Variants in CACNA1D observed in about 807,000 individuals in gnomAD.
CACNA1D encodes the protein voltage-dependent L-type calcium channel subunit alpha-1D.
In CACNA1D, 55 loss-of-function variants were observed where a neutral mutation model predicts 257.1. The ratio of observed to expected loss-of-function variants is 0.21; its 90% CI spans 0.17 to 0.27. The LOEUF (loss-of-function observed/expected upper bound fraction) is 0.27, where lower values mean the gene tolerates loss of function less well. CACNA1D is among the 10% of genes least tolerant of loss of function. The pLI, the probability that CACNA1D is intolerant of heterozygous loss-of-function variation, is 1.00. For missense variants in CACNA1D, 1,876 were observed against 2,784.0 expected, an observed-to-expected ratio of 0.67 and a Z score of 7.34; for synonymous variants, 980 against 1,014.9, an observed-to-expected ratio of 0.97 and a Z score of 0.65.
At chr3:53,508,240 C>T (rs986386238) in intron 3 of CACNA1D, among the ~76,000 whole-genome samples, 1 of 152,106 alleles carries the variant, frequency 6.6e-6, no homozygotes, top group Admixed American at 6.6e-5. Context: ...TTTGCCGCAC[C>T]TATCAACCCA....
intron 3 of CACNA1D, among the ~76,000 whole-genome samples, chr3:53,616,585 T>C (rs2093639593): frequency 6.6e-6 from 1 of 152,194 alleles, no homozygotes; most frequent in Non-Finnish European, 1.5e-5. Flanking sequence ...CCTAATGCTG[T>C]GCTTGCCTGT....
In CACNA1D at chr3:53,718,532, C is replaced by T. The variant is rs1391203983; in HGVS notation, c.1478+144C>T. On this transcript the variant is annotated intron_variant, in intron 10 of 47. Coordinates refer to ENST00000350061, the MANE Select transcript of CACNA1D (RefSeq NM_001128840.3). Reference sequence around the variant, plus strand: ...GGAAGGCTCCTCGTACCCCACGCCACGCTTCCTCCTGTGCCAGGGCTATCC... The same window carrying T: ...GGAAGGCTCCTCGTACCCCACGCCATGCTTCCTCCTGTGCCAGGGCTATCC... The T allele has an allele frequency of 1.2e-4, 125 of 1,027,872 alleles. 1 individual carries two copies. In the East Asian group the frequency reaches 2.8e-3, roughly 23 times the overall value. 63.7% of individuals were successfully genotyped at this position (1,027,872 alleles called of 1,614,324 possible).
At chr3:53,693,706 C>T (rs2094549095) in intron 8 of CACNA1D, among the ~76,000 whole-genome samples, 2 of 151,978 alleles carry the variant, frequency 1.3e-5, no homozygotes, top group South Asian at 4.2e-4. Flanking sequence ...ATAAGTGTTG[C>T]CTTTGTTTTT....
At chr3:53,698,597 T>TA (rs2094593159) in intron 8 of CACNA1D, among the ~76,000 whole-genome samples, 1 of 152,212 alleles carries the variant, frequency 6.6e-6, no homozygotes. Context: ...ACTTAATTTT[T>TA]AAAAATTTAA....
At chr3:53,654,767 A>G (rs1203209590) in intron 4 of CACNA1D, among the ~76,000 whole-genome samples, 2 of 152,198 alleles carry the variant, frequency 1.3e-5, no homozygotes, top group African/African-American at 2.4e-5. Context: ...GGCACTTTAT[A>G]GAAAATGTTT....
chr3:53,586,895 G>A (rs1411863707), intron 3 of CACNA1D, among the ~76,000 whole-genome samples: 5 of 152,136 alleles, frequency 3.3e-5, no homozygotes, highest in African/African-American at 1.2e-4. Context: ...AATAAGAGAC[G>A]CTGGGGGGGT....
intron 3 of CACNA1D, among the ~76,000 whole-genome samples, chr3:53,598,003 A>G (rs535049281): frequency 6.6e-6 from 1 of 152,270 alleles, no homozygotes; most frequent in South Asian, 2.1e-4. Flanking sequence ...TTTGATGTTT[A>G]TCATTTCCTG....
chr3:53,747,015 A>G (rs926204912), intron 25 of CACNA1D, among the ~76,000 whole-genome samples: 4 of 152,050 alleles, frequency 2.6e-5, no homozygotes, highest in African/African-American at 9.7e-5. Flanking sequence ...TGCTCTCACC[A>G]TGCTGTGGTT....
chr3:53,593,921 C>T (rs758713163), intron 3 of CACNA1D, among the ~76,000 whole-genome samples: 2 of 152,132 alleles, frequency 1.3e-5, no homozygotes. Flanking sequence ...CAGTCAGAAA[C>T]GCTGATGTTA....
At chr3:53,615,581 G>A (rs6794085) in intron 3 of CACNA1D, among the ~76,000 whole-genome samples, 39,647 of 152,104 alleles carry the variant, frequency 0.26, 5,775 homozygotes, top group Non-Finnish European at 0.33. Flanking sequence ...CCAAACCAGT[G>A]GGCTTAAAGT....
intron 3 of CACNA1D, among the ~76,000 whole-genome samples, chr3:53,559,172 A>G (rs1048568154): frequency 6.6e-6 from 1 of 152,156 alleles, no homozygotes; most frequent in African/African-American, 2.4e-5. Flanking sequence ...ATCCAGTGAC[A>G]TTTTAAGTTT....
chr3:53,796,835 T>C (rs371511695), intron 40 of CACNA1D, among the ~76,000 whole-genome samples: 1 of 152,342 alleles, frequency 6.6e-6, no homozygotes, highest in South Asian at 2.1e-4. Context: ...TTTTATAAGA[T>C]TGGACATCTT....
At chr3:53,677,170 CCTT>C (rs1321275640) in intron 8 of CACNA1D, among the ~76,000 whole-genome samples, 1 of 152,166 alleles carries the variant, frequency 6.6e-6, no homozygotes, top group Non-Finnish European at 1.5e-5. Context: ...GGCTCTGCCT[CCTT>C]CTCCATTTCA....
intron 9 of CACNA1D, among the ~76,000 whole-genome samples, chr3:53,707,803 A>C (rs1375012294): frequency 6.6e-6 from 1 of 152,216 alleles, no homozygotes; most frequent in African/African-American, 2.4e-5. Context: ...TTAAAAAAAA[A>C]AAGCATTAAA....
Position 53,539,697 on chromosome 3 carries a change from A to G in CACNA1D, c.483+37977A>G, listed in dbSNP as rs115713972. ...TTTCCAATGTGTCATGCCAGCTGAT[A>G]TGCTCACCAACAGCGTGTGAGCATT... On this transcript the variant is annotated intron_variant, in intron 3 of 47. Transcript: ENST00000350061. Among the ~76,000 whole-genome samples the G allele has an allele frequency of 5.3e-3, 801 of 152,320 alleles. 7 individuals are homozygous for G. The highest frequency in any genetic ancestry group is 0.018 in the African/African-American group (761 of 41,564).
rs2094941339 is a variant in CACNA1D, at chr3:53,726,957, A to T, written c.2179A>T (p.Ile727Phe). 1.9e-6 allele frequency: 3 copies of T among 1,614,154 alleles called. No homozygotes were observed. The highest frequency in any genetic ancestry group is 2.5e-6 in the Non-Finnish European group (3 of 1,179,978). Residue 727 changes from isoleucine (I) to phenylalanine (F), a missense_variant, in exon 15 of 48, where the codon ATC becomes TTC. By Grantham distance (21) the Ile-to-Phe change is conservative. Around this residue, in one of 10 missense-constraint regions of CACNA1D, gnomAD observed 257 missense variants for 399.7 expected, o/e 0.64. Coordinates refer to ENST00000350061, the MANE Select transcript of CACNA1D (RefSeq NM_001128840.3). ...AYGGPSSSGM[I>F]VCIYFIILFI... is the part of the protein sequence containing the mutation. ...CGGGGGCCCATCCTCTTCAGGAATG[A>T]TCGTCTGCATCTACTTCATCATCCT...
intron 4 of CACNA1D, among the ~76,000 whole-genome samples, chr3:53,657,083 A>C (rs1161090020): frequency 6.6e-6 from 1 of 152,172 alleles, no homozygotes; most frequent in East Asian, 1.9e-4. Context: ...AAATGAAAAC[A>C]CATGTCCCCA....
chr3:53,804,170 TCTC>T (rs1365349363), intron 44 of CACNA1D, among the ~76,000 whole-genome samples: 2 of 152,176 alleles, frequency 1.3e-5, no homozygotes, highest in African/African-American at 4.8e-5. Context: ...TCCACCCTCT[TCTC>T]TGAACCGCAC....
At chr3:53,527,680 A>G (rs1367208997) in intron 3 of CACNA1D, among the ~76,000 whole-genome samples, 1 of 152,218 alleles carries the variant, frequency 6.6e-6, no homozygotes, top group South Asian at 2.1e-4. Context: ...ATTTCTTCCT[A>G]TCCATGCCCC....
Sources: allele counts gnomAD v4.1 joint callset (sites outside exome capture counted in the v4.1 genomes callset), GRCh38; gene constraint gnomAD v4.1.1; regional missense constraint gnomAD v4.1.1; transcripts MANE v1.5; gene names NCBI Gene and HGNC (gene_info 2026-07-23, HGNC 2026-07-21).